The following EPHA4 variants were observed in gnomAD, a reference collection of about 807,000 sequenced individuals.
EPHA4 encodes the protein ephrin type-A receptor 4.
EPHA4 carries 19 observed loss-of-function variants against 108.3 expected under a neutral mutation model. The ratio of observed to expected loss-of-function variants is 0.18; its 90% CI spans 0.12 to 0.26. The LOEUF (loss-of-function observed/expected upper bound fraction) is 0.26, where lower values mean the gene tolerates loss of function less well. Among genes scored for constraint, EPHA4 ranks in the 10% least tolerant of loss-of-function variants. EPHA4 has a pLI of 1.00. For synonymous variants in EPHA4, 449 were observed against 455.5 expected (o/e 0.99, Z 0.18); for missense variants, 917 against 1,254.0 (o/e 0.73, Z 4.06).
intron 5 of EPHA4, among the ~76,000 whole-genome samples, chr2:221,475,492 C>G (rs1333548289): frequency 6.6e-6 from 1 of 152,156 alleles, no homozygotes; most frequent in African/African-American, 2.4e-5. Flanking sequence ...CAAATGATAC[C>G]AGTATTTCAA....
At chr2:221,497,201 G>A (rs1016824041) in intron 4 of EPHA4, among the ~76,000 whole-genome samples, 2 of 152,194 alleles carry the variant, frequency 1.3e-5, no homozygotes, top group African/African-American at 4.8e-5. Context: ...CCAGGTGCCA[G>A]AACTTTGCAA....
At chr2:221,473,567 A>AAC (rs2106132816) in intron 5 of EPHA4, among the ~76,000 whole-genome samples, 1 of 151,490 alleles carries the variant, frequency 6.6e-6, no homozygotes, top group East Asian at 1.9e-4. Flanking sequence ...AAAAAAAAAA[A>AAC]AAAAAAACTA....
intron 5 of EPHA4, among the ~76,000 whole-genome samples, chr2:221,473,321 T>C (rs970227931): frequency 6.6e-6 from 1 of 152,106 alleles, no homozygotes; most frequent in African/African-American, 2.4e-5. Context: ...CAGATTAACA[T>C]GTAAACCCTA....
intron 3 of EPHA4, among the ~76,000 whole-genome samples, chr2:221,508,692 A>G (rs1321556072): frequency 1.3e-5 from 2 of 152,144 alleles, no homozygotes; most frequent in African/African-American, 4.8e-5. Context: ...ATTGCCCCCC[A>G]AATTATGGGA....
intron 8 of EPHA4, among the ~76,000 whole-genome samples, chr2:221,451,737 G>T (rs1020167973): frequency 6.6e-6 from 1 of 152,124 alleles, no homozygotes; most frequent in Non-Finnish European, 1.5e-5. Context: ...AAATTAAGTT[G>T]CTTAACATAA....
chr2:221,536,829 G>C (rs929552968), intron 3 of EPHA4, among the ~76,000 whole-genome samples: 1 of 152,198 alleles, frequency 6.6e-6, no homozygotes, highest in African/African-American at 2.4e-5. Flanking sequence ...CTTTGGGCAA[G>C]CTGCTTAGCT....
At position 221,571,146 on chromosome 2, in the gene EPHA4, GCA is replaced by G. The variant is rs749812049; in HGVS notation, c.91+1010_91+1011del. 6.6e-5 allele frequency among the ~76,000 whole-genome samples: 10 copies of G among 151,894 alleles called. No homozygotes were observed. In the South Asian group the frequency reaches 1.0e-3, roughly 16 times the overall value. On this transcript the variant is annotated intron_variant, in intron 1 of 17. Coordinates refer to ENST00000281821, the MANE Select transcript of EPHA4 (RefSeq NM_004438.5). The surrounding 1 kb of genome is among the most constrained non-coding windows in gnomAD (Gnocchi z 6.3). ...TACATACACGCAGTTGCACGCGCGC[GCA>G]CACACACAGGCACACACACGCAGAC...
intron 4 of EPHA4, among the ~76,000 whole-genome samples, chr2:221,489,052 G>A (rs898444785): frequency 1.3e-5 from 2 of 152,164 alleles, no homozygotes; most frequent in Non-Finnish European, 2.9e-5. Context: ...TCATTTAAAA[G>A]CCGTCAGCCA....
intron 5 of EPHA4, among the ~76,000 whole-genome samples, chr2:221,469,182 A>T (rs913937921): frequency 6.6e-6 from 1 of 152,230 alleles, no homozygotes; most frequent in East Asian, 1.9e-4. Flanking sequence ...TTTGAAATTT[A>T]TGTTGATAAA....
chr2:221,561,424 GA>G (rs879923524), intron 3 of EPHA4, among the ~76,000 whole-genome samples: 4 of 151,304 alleles, frequency 2.6e-5, no homozygotes, highest in East Asian at 1.9e-4. Flanking sequence ...TTTATTAGCA[GA>G]AAAAAAAGCA....
chr2:221,461,644 G>C (rs1691148064), intron 5 of EPHA4, among the ~76,000 whole-genome samples: 1 of 152,182 alleles, frequency 6.6e-6, no homozygotes, highest in Non-Finnish European at 1.5e-5. Context: ...AAGGCCGAGA[G>C]GGGGAATGGG....
chr2:221,563,634 G>A, intron 3 of EPHA4, 97 bp downstream of exon 3: 22 of 1,407,646 alleles, frequency 1.6e-5, no homozygotes, highest in Non-Finnish European at 1.9e-5. Context: ...ATCCCACAGG[G>A]GCTACTAATT....
intron 11 of EPHA4, 49 bp downstream of exon 11, chr2:221,442,780 T>C: frequency 6.3e-7 from 1 of 1,590,510 alleles, no homozygotes; most frequent in African/African-American, 1.3e-5. Flanking sequence ...GTGTGTTTAA[T>C]TTCCCAGTAA....
intron 8 of EPHA4, among the ~76,000 whole-genome samples, chr2:221,448,054 C>G (rs1050858422): frequency 6.6e-6 from 1 of 152,076 alleles, no homozygotes; most frequent in African/African-American, 2.4e-5. Context: ...GTTGGCCAAG[C>G]TGGTCTCAAA....
At chr2:221,478,674 G>T (rs1439475738) in intron 5 of EPHA4, among the ~76,000 whole-genome samples, 1 of 152,124 alleles carries the variant, frequency 6.6e-6, no homozygotes, top group Non-Finnish European at 1.5e-5. Context: ...TCTCATTAGA[G>T]AATTTGGGAA....
chr2:221,564,609 T>G lies in EPHA4; in HGVS notation c.160-215A>C, dbSNP rs1694570088. On this transcript the variant is annotated intron_variant, in intron 2 of 17. Transcript: ENST00000281821. ...TTTGTTTGTTTAATTGTTTCAATCT[T>G]TTGCCTGAAATCCAGAGGCAATGGT... 2.0e-5 allele frequency among the ~76,000 whole-genome samples: 3 copies of G among 152,134 alleles called. No individual in the cohort carries two copies. In the South Asian group the frequency reaches 6.2e-4, roughly 31 times the overall value.
intron 5 of EPHA4, among the ~76,000 whole-genome samples, chr2:221,464,041 G>T (rs1403155180): frequency 2.6e-5 from 4 of 152,142 alleles, no homozygotes; most frequent in Admixed American, 6.5e-5. Flanking sequence ...TGGGCAAGGA[G>T]GAGTGAAAAC....
At chr2:221,492,585 T>C (rs1435278790) in intron 4 of EPHA4, among the ~76,000 whole-genome samples, 1 of 152,208 alleles carries the variant, frequency 6.6e-6, no homozygotes, top group Non-Finnish European at 1.5e-5. Flanking sequence ...TTTTAGTAGC[T>C]AAAATGCTGA....
chr2:221,522,292 C>A (rs1693186765), intron 3 of EPHA4, among the ~76,000 whole-genome samples: 1 of 152,118 alleles, frequency 6.6e-6, no homozygotes, highest in African/African-American at 2.4e-5. Flanking sequence ...GATAGGGTAT[C>A]AAGGAAAATG....
Sources: gnomAD v4.1 joint callset for allele counts (sites outside exome capture counted in the v4.1 genomes callset) on GRCh38, gnomAD v4.1.1 for gene constraint, Gnocchi (gnomAD v3.1) non-coding constraint, MANE v1.5 for transcripts, NCBI Gene and HGNC (gene_info 2026-07-23, HGNC 2026-07-21) for gene names.